The following EP400 variants were observed in gnomAD, a reference collection of about 807,000 sequenced individuals.
The protein encoded by EP400 is E1A-binding protein p400.
EP400 carries 105 observed loss-of-function variants against 354.1 expected under a neutral mutation model. The observed-to-expected ratio is 0.30, with a 90% confidence interval of 0.25 to 0.35. The LOEUF is 0.35. Ranked by LOEUF, EP400 falls within the 10% of genes least tolerant of loss-of-function variation. EP400 has a pLI of 1.00. For missense variants in EP400, 3,280 were observed against 4,121.0 expected, an observed-to-expected ratio of 0.80 and a Z score of 5.59; for synonymous variants, 1,646 against 1,716.9, an observed-to-expected ratio of 0.96 and a Z score of 1.02.
In EP400 at chr12:132,043,653, A is replaced by T. The variant is rs199775503; in HGVS notation, c.6375A>T (p.Pro2125=). ...ATATACTTTTGGAACAGCTTACACC[A>T]ATTGAAAAATATGCTTTAAATTACC... ...ELADFMEQLT[P]IEKYALNYLE... The change falls in exon 34 of 53, where the codon CCA becomes CCT. Residue 2125 remains proline (P), a synonymous_variant. Transcript: ENST00000389561. The T allele has an allele frequency of 4.3e-5, 70 of 1,610,264 alleles. No individual in the cohort carries two copies. In the East Asian group the frequency reaches 1.6e-3, roughly 36 times the overall value.
intron 12 of EP400, among the ~76,000 whole-genome samples, chr12:131,996,097 G>T (rs151166940): frequency 1.4e-3 from 206 of 152,324 alleles, no homozygotes; most frequent in Non-Finnish European, 1.8e-3. Context: ...GTCTTTGCCA[G>T]GCAGTATTCT....
At chr12:131,987,236 G>A (rs1308780711) in intron 6 of EP400, among the ~76,000 whole-genome samples, 7 of 152,120 alleles carry the variant, frequency 4.6e-5, no homozygotes, top group Admixed American at 3.3e-4. Context: ...TTCATTAGGG[G>A]AATTAAAAGA....
intron 2 of EP400, among the ~76,000 whole-genome samples, chr12:131,972,725 CTT>C (rs144441438): frequency 0.01 from 988 of 98,092 alleles, 1 homozygote; most frequent in African/African-American, 0.042. Context: ...CTAACACAAC[CTT>C]TTTTTTTTTT....
At position 132,052,047 on chromosome 12, in the gene EP400, T is replaced by C. The variant is rs931812084; in HGVS notation, c.7395-1099T>C. Among the ~76,000 whole-genome samples the C allele has an allele frequency of 6.6e-6, 1 of 152,352 alleles. No individual in the cohort carries two copies. Among genetic ancestry groups the C allele is most frequent in the Middle Eastern group, 3.4e-3 (1 of 294 alleles). On this transcript the variant is annotated intron_variant, in intron 41 of 52. Transcript: ENST00000389561. This position sits in a 1 kb window ranked among gnomAD's most constrained non-coding sequence, Gnocchi z 4.4. ...AGCTCCTATCTCTGTATGGCCTGGCTTTTCCTAGGTTATGATTATAGAGCG... is the reference window on the plus strand; with the variant it reads ...AGCTCCTATCTCTGTATGGCCTGGCCTTTCCTAGGTTATGATTATAGAGCG...
intron 2 of EP400, among the ~76,000 whole-genome samples, chr12:131,972,052 G>A (rs1204132294): frequency 1.3e-5 from 2 of 152,154 alleles, no homozygotes; most frequent in Admixed American, 1.3e-4. Context: ...TGCGGCAGGT[G>A]ACAGTGGATG....
Position 131,960,631 on chromosome 12 carries a change from C to A in EP400, c.12C>A (p.Gly4=), listed in dbSNP as rs745352509. Residue 4 remains glycine (G), a synonymous_variant, in exon 2 of 53, where the codon GGC becomes GGA. Transcript: ENST00000389561. ...GAAGGGAGGTGATCATGCACCATGGCACTGGCCCCCAGAACGTCCAGCATC... is the reference window on the plus strand; with the variant it reads ...GAAGGGAGGTGATCATGCACCATGGAACTGGCCCCCAGAACGTCCAGCATC... MHH[G]TGPQNVQHQL... 3.1e-5 allele frequency: 49 copies of A among 1,589,304 alleles called. 1 individual carries two copies. In the Middle Eastern group the frequency reaches 5.0e-4, roughly 16 times the overall value.
Position 132,069,523 on chromosome 12 carries a change from G to T in EP400, c.8903G>T (p.Gly2968Val). The T allele has an allele frequency of 6.2e-7, 1 of 1,614,198 alleles. No individual in the cohort carries two copies. The highest frequency in any genetic ancestry group is 1.7e-4 in the Middle Eastern group (1 of 6,060). Residue 2968 changes from glycine (G) to valine (V), a missense_variant, in exon 51 of 53, where the codon GGC (glycine) becomes GTC (valine). Physicochemically the swap from Gly to Val is moderately radical, Grantham distance 109. Around this residue, in one of 20 missense-constraint regions of EP400, gnomAD observed 279 missense variants for 386.7 expected, o/e 0.72. Transcript: ENST00000389561. Reference sequence around the variant, plus strand: ...ACCGCACAGCAGATCACCACCCCTGGCGCGCAGCAGAAGGTTGCCTACGCC... The same window carrying T: ...ACCGCACAGCAGATCACCACCCCTGTCGCGCAGCAGAAGGTTGCCTACGCC... ...KITAQQITTP[G>V]AQQKVAYAAQ... is the part of the protein sequence containing the mutation.
intron 12 of EP400, among the ~76,000 whole-genome samples, chr12:132,003,664 G>A (rs1893490770): frequency 6.6e-6 from 1 of 152,170 alleles, no homozygotes; most frequent in Non-Finnish European, 1.5e-5. Context: ...ATCATATGCT[G>A]TAGTGGTGCA....
chr12:132,021,248 C>T lies in EP400; in HGVS notation c.4617C>T (p.Pro1539=). 6.5e-7 allele frequency: 1 copy of T among 1,548,622 alleles called. No individual in the cohort carries two copies. The highest frequency in any genetic ancestry group is 8.7e-7 in the Non-Finnish European group (1 of 1,153,598). Residue 1539 remains proline (P), a synonymous_variant, in exon 23 of 53, where the codon CCC becomes CCT. Coordinates refer to ENST00000389561, the MANE Select transcript of EP400 (RefSeq NM_015409.5). Reference sequence around the variant, plus strand: ...AGCCCCCGCCCCAGCCCCAGGCCCCCTCGCACGCGGCCGGGCAGAGCGCGC... The same window carrying T: ...AGCCCCCGCCCCAGCCCCAGGCCCCTTCGCACGCGGCCGGGCAGAGCGCGC... ...PGQPPPQPQA[P]SHAAGQSALP...
At chr12:132,016,854 G>A (rs1459140341) in intron 19 of EP400, among the ~76,000 whole-genome samples, 1 of 152,138 alleles carries the variant, frequency 6.6e-6, no homozygotes, top group Non-Finnish European at 1.5e-5. Flanking sequence ...GTTTGAGTTG[G>A]AAATTTGCCA....
At chr12:132,001,939 CTTG>C (rs1309466481) in intron 12 of EP400, among the ~76,000 whole-genome samples, 13 of 152,114 alleles carry the variant, frequency 8.5e-5, no homozygotes, top group South Asian at 4.1e-4. Flanking sequence ...TAGTATAACT[CTTG>C]TTGTTTTATA....
intron 37 of EP400, 83 bp from the exon 38 acceptor site, chr12:132,045,236 C>G: frequency 6.4e-7 from 1 of 1,565,956 alleles, no homozygotes; most frequent in Non-Finnish European, 8.6e-7. Context: ...TCCAGACTTG[C>G]CTGACCTGTT....
rs1215184087 is a variant in EP400 at position 132,044,216 on chromosome 12, A to G, written c.6490A>G (p.Asn2164Asp). ...MTAVRAWEFWNLKTLQEREAR... is the reference protein window; with the variant it reads ...MTAVRAWEFWDLKTLQEREAR... ...TGCAGTGAGGGCATGGGAGTTCTGG[A>G]ACCTGAAGACCCTGCAGGAGAGGGA... The change falls in exon 35 of 53, where the codon AAC becomes GAC. Residue 2164 changes from asparagine (N) to aspartate (D), a missense_variant. Coordinates refer to ENST00000389561, the MANE Select transcript of EP400 (RefSeq NM_015409.5). 1.2e-6 allele frequency: 2 copies of G among 1,614,078 alleles called. No homozygotes were observed. Among genetic ancestry groups the G allele is most frequent in the Non-Finnish European group, 1.7e-6 (2 of 1,180,048 alleles).
chr12:131,960,713 CCCA>C lies in EP400; in HGVS notation c.95_97del (p.Pro32_Asn33delinsHis). The C allele has an allele frequency of 6.6e-7, 1 of 1,515,160 alleles. No homozygotes were observed. Among genetic ancestry groups the C allele is most frequent in the Admixed American group, 1.9e-5 (1 of 52,418 alleles). The allele number at this position is 1,515,160 out of a possible 1,614,324, so 93.9% of individuals were successfully genotyped here. A position where few individuals can be genotyped will look rare whatever the true frequency, so the allele number is the denominator to read the frequency against. ...CGAGGGTGAGGAGCAGCCGGCCCAC[CCCA>C]ACCCACCCCCGTCCCCCGCAGCTCC... On this transcript the variant is annotated inframe_deletion, in exon 2 of 53. Coordinates refer to ENST00000389561, the MANE Select transcript of EP400 (RefSeq NM_015409.5).
intron 45 of EP400, among the ~76,000 whole-genome samples, chr12:132,059,998 G>A (rs1264658046): frequency 1.3e-5 from 2 of 151,850 alleles, no homozygotes; most frequent in Admixed American, 6.6e-5. Context: ...TCTCCAGCCT[G>A]GGTGACAGAG....
At position 132,029,663 on chromosome 12, in the gene EP400, G is replaced by A. The variant is rs1243983478; in HGVS notation, c.5382-38G>A. 6.2e-7 allele frequency: 1 copy of A among 1,600,072 alleles called. No individual in the cohort carries two copies. Among genetic ancestry groups the A allele is most frequent in the Non-Finnish European group, 8.5e-7 (1 of 1,170,944 alleles). ...CCCCCATGCTGGGTGAAGGTGTGTGGCTCCTGGTGGTGACAAAACATGCTT... is the reference window on the plus strand; with the variant it reads ...CCCCCATGCTGGGTGAAGGTGTGTGACTCCTGGTGGTGACAAAACATGCTT... On this transcript the variant is annotated intron_variant, in intron 27 of 52. Coordinates refer to ENST00000389561, the MANE Select transcript of EP400 (RefSeq NM_015409.5). The surrounding 1 kb of genome is among the most constrained non-coding windows in gnomAD (Gnocchi z 4.7).
At chr12:131,960,519 C>A in intron 1 of EP400, 66 bp from the exon 2 acceptor site, 1 of 1,396,132 alleles carries the variant, frequency 7.2e-7, no homozygotes, top group Non-Finnish European at 9.6e-7. Flanking sequence ...CTTTTCAGTG[C>A]TGTTAAGTGT....
At chr12:131,998,644 TAC>T (rs1893294633) in intron 12 of EP400, among the ~76,000 whole-genome samples, 1 of 146,122 alleles carries the variant, frequency 6.8e-6, no homozygotes, top group Non-Finnish European at 1.5e-5. Flanking sequence ...ATTCTTTGTA[TAC>T]AGTCTTGTAT....
rs1321760371 is a variant in EP400, at chr12:132,017,272, G to T, written c.3924-263G>T. On this transcript the variant is annotated intron_variant, in intron 19 of 52. Transcript: ENST00000389561. This position sits in a 1 kb window ranked among gnomAD's most constrained non-coding sequence, Gnocchi z 5.0. ...CCCCACTTCTCTTTCAGAGCACTCGGTATGATTGTGAATGAAGTGGAGTGG... is the reference window on the plus strand; with the variant it reads ...CCCCACTTCTCTTTCAGAGCACTCGTTATGATTGTGAATGAAGTGGAGTGG... Among the ~76,000 whole-genome samples the T allele has an allele frequency of 6.6e-6, 1 of 152,234 alleles. No homozygotes were observed. Among genetic ancestry groups the T allele is most frequent in the Non-Finnish European group, 1.5e-5 (1 of 68,046 alleles).
Sources: gnomAD v4.1 joint callset for allele counts (sites outside exome capture counted in the v4.1 genomes callset) on GRCh38, gnomAD v4.1.1 for gene constraint, gnomAD v4.1.1 regional missense constraint, Gnocchi (gnomAD v3.1) non-coding constraint, MANE v1.5 for transcripts, NCBI Gene and HGNC (gene_info 2026-07-23, HGNC 2026-07-21) for gene names.